Variants in ALS2 observed in about 807,000 individuals in gnomAD.
ALS2 encodes alsin.
In ALS2, 117 loss-of-function variants were observed where a neutral mutation model predicts 203.4. The observed-to-expected ratio is 0.58, with a 90% CI of 0.50 to 0.67. The LOEUF is 0.67. ALS2 is among the 30% of genes least tolerant of loss of function. The pLI is 0.00. For synonymous variants in ALS2, 718 were observed against 725.9 expected, an observed-to-expected ratio of 0.99 and a Z score of 0.17; for missense variants, 1,715 against 1,989.4, an observed-to-expected ratio of 0.86 and a Z score of 2.62.
chr2:201,754,764 C>T (rs918831609), intron 5 of ALS2, 93 bp from the exon 6 acceptor site: 63 of 1,355,480 alleles, frequency 4.6e-5, no homozygotes, highest in East Asian at 1.9e-4. Flanking sequence ...CAAAAACATA[C>T]GCCACCAATG....
intron 25 of ALS2, 149 bp downstream of exon 25, chr2:201,715,523 A>G: frequency 2.3e-6 from 2 of 877,966 alleles, no homozygotes; most frequent in Non-Finnish European, 3.5e-6. Context: ...TCAACAGAAG[A>G]TAAAGAAAGT....
rs1559072330 is a variant in ALS2 at position 201,749,738 on chromosome 2, G to C, written c.1789C>G (p.Pro597Ala). 6.2e-7 allele frequency: 1 copy of C among 1,614,084 alleles called. No individual in the cohort carries two copies. Among genetic ancestry groups the C allele is most frequent in the Non-Finnish European group, 8.5e-7 (1 of 1,179,994 alleles). Residue 597 changes from proline (P) to alanine (A), a missense_variant, in exon 8 of 34, where the codon CCA becomes GCA. Transcript: ENST00000264276. ...TFGQLGHSDF[P>A]TTVPRLAKIS... ...TTTGCAAGACGAGGAACTGTTGTTG[G>C]AAAATCGGAATGCCCAAGTTGACCA...
intron 13 of ALS2, among the ~76,000 whole-genome samples, chr2:201,729,578 C>T (rs1238152531): frequency 1.3e-5 from 2 of 151,956 alleles, no homozygotes; most frequent in African/African-American, 4.8e-5. Flanking sequence ...TTTATTAATT[C>T]ACTTACAAAA....
At chr2:201,750,543 G>A (rs1001199707) in intron 7 of ALS2, among the ~76,000 whole-genome samples, 1 of 151,710 alleles carries the variant, frequency 6.6e-6, no homozygotes, top group Non-Finnish European at 1.5e-5. Flanking sequence ...CATACATGAA[G>A]AGTTACTGTA....
At position 201,756,801 on chromosome 2, in the gene ALS2, T is replaced by G. The variant is rs140868363; in HGVS notation, c.1471+601A>C. ...TGGGGGACCTTGCTCTAATGCATGTTTTGATTCAGTAAGTCGAGAGTGGAA... is the reference window on the plus strand; with the variant it reads ...TGGGGGACCTTGCTCTAATGCATGTGTTGATTCAGTAAGTCGAGAGTGGAA... On this transcript the variant is annotated intron_variant, in intron 5 of 33. Coordinates refer to ENST00000264276, the MANE Select transcript of ALS2 (RefSeq NM_020919.4). Among the ~76,000 whole-genome samples, 147 of 152,354 alleles carry G rather than the reference T, an allele frequency of 9.6e-4. 1 individual carries two copies. The East Asian group carries it at 0.028, about 29-fold the overall frequency.
rs1164993764 is a variant in ALS2, at chr2:201,704,130, T to A, written c.4927A>T (p.Thr1643Ser). ...QHGEQGIMFT[T>S]LKACYYQIQR... ...ATAATAACTATACTCACCTTCAAGG[T>A]GGTGAACATTATACCCTGTTCCCCA... Residue 1643 changes from threonine (T) to serine (S), a missense_variant, in exon 33 of 34, where the codon ACC becomes TCC. Thr to Ser is a moderately conservative substitution (Grantham distance 58). This residue lies in a region of ALS2 where 1,227 missense variants were observed against 1,413.5 expected (regional missense o/e 0.87). Transcript: ENST00000264276. 3 of 1,609,586 alleles carry A rather than the reference T, an allele frequency of 1.9e-6. No individual in the cohort carries two copies.
chr2:201,747,624 T>C (rs1692752823), intron 8 of ALS2, among the ~76,000 whole-genome samples: 1 of 152,068 alleles, frequency 6.6e-6, no homozygotes, highest in Non-Finnish European at 1.5e-5. Context: ...CTAATTTTTG[T>C]ATTTTTAGTA....
intron 4 of ALS2, chr2:201,759,489 A>G: frequency 1.0e-6 from 1 of 962,060 alleles, no homozygotes; most frequent in Non-Finnish European, 1.2e-6. Flanking sequence ...CAATAGAAAC[A>G]CACACATTGT....
chr2:201,705,542 T>C (rs1019509401), intron 29 of ALS2, 81 bp from the exon 30 acceptor site: 3 of 1,050,308 alleles, frequency 2.9e-6, no homozygotes, highest in Non-Finnish European at 4.4e-6. Context: ...GACAGCTATA[T>C]TGGCTTCCTT....
chr2:201,714,434 T>A (rs574451662), intron 25 of ALS2, among the ~76,000 whole-genome samples: 1 of 152,302 alleles, frequency 6.6e-6, no homozygotes, highest in Non-Finnish European at 1.5e-5. Context: ...CTGTGTTGTG[T>A]GTGACTCATC....
At chr2:201,711,679 C>T (rs1690033367) in intron 25 of ALS2, among the ~76,000 whole-genome samples, 1 of 152,128 alleles carries the variant, frequency 6.6e-6, no homozygotes, top group Non-Finnish European at 1.5e-5. Context: ...TAAGAGAAAA[C>T]ACACGCTAGT....
At chr2:201,763,871 A>T (rs554816081) in intron 3 of ALS2, among the ~76,000 whole-genome samples, 1 of 152,370 alleles carries the variant, frequency 6.6e-6, no homozygotes, top group African/African-American at 2.4e-5. Context: ...GTTTTAAAAA[A>T]TACTGAGCCA....
chr2:201,759,562 TAC>T (rs1693631612), intron 4 of ALS2: 1 of 983,108 alleles, frequency 1.0e-6, no homozygotes, highest in African/African-American at 1.7e-5. Flanking sequence ...GATAAGCATG[TAC>T]AGTCTAAGAA....
At position 201,761,136 on chromosome 2, in the gene ALS2, C is replaced by T; in HGVS notation, c.858G>A (p.Gln286=). The part of the protein sequence containing the change: ...LSPSTETLDR[Q]EEVFENTLVA... The stretch of plus-strand genomic sequence containing the variant: ...CAAGAGTGTTCTCAAATACTTCTTC[C>T]TGCCTGTCAAGGGTTTCAGTGGAGG... The change falls in exon 4 of 34, where the codon CAG becomes CAA. Residue 286 remains glutamine (Q), a synonymous_variant. Transcript: ENST00000264276. The T allele has an allele frequency of 6.2e-7, 1 of 1,614,184 alleles. No homozygotes were observed. Among genetic ancestry groups the T allele is most frequent in the Non-Finnish European group, 8.5e-7 (1 of 1,180,014 alleles).
intron 1 of ALS2, among the ~76,000 whole-genome samples, chr2:201,776,594 G>T (rs1694672716): frequency 2.0e-5 from 3 of 151,984 alleles, no homozygotes; most frequent in African/African-American, 7.3e-5. Context: ...GAATGTCCTG[G>T]TAAGTCCTGA....
chr2:201,760,986 T>C lies in ALS2; in HGVS notation c.1008A>G (p.Ile336Met), dbSNP rs758265576. 13 of 1,614,192 alleles carry C rather than the reference T, an allele frequency of 8.1e-6. No individual in the cohort carries two copies. The highest frequency in any genetic ancestry group is 1.6e-4 in the Middle Eastern group (1 of 6,062). The change falls in exon 4 of 34, where the codon ATA becomes ATG. Residue 336 changes from isoleucine (I) to methionine (M), a missense_variant. This residue lies in a region of ALS2 where 476 missense variants were observed against 539.3 expected (regional missense o/e 0.88). Coordinates refer to ENST00000264276, the MANE Select transcript of ALS2 (RefSeq NM_020919.4). ...CTGCTTGGGTGTCAGGGTATGATGG[T>C]ATGTTTCTGGCAGAGGAAATTTCAG... ...GTTEISSARN[I>M]PSYPDTQAVN...
intron 12 of ALS2, among the ~76,000 whole-genome samples, chr2:201,737,694 G>A (rs919706137): frequency 1.3e-5 from 2 of 152,130 alleles, no homozygotes; most frequent in Non-Finnish European, 2.9e-5. Context: ...GGCCGAGGTG[G>A]GTGAATCACT....
chr2:201,757,832 G>T, intron 4 of ALS2, 73 bp from the exon 5 acceptor site: 1 of 1,195,254 alleles, frequency 8.4e-7, no homozygotes, highest in Non-Finnish European at 1.2e-6. Flanking sequence ...TAAAAAGAAA[G>T]GCTAATATCC....
At chr2:201,719,688 CA>C (rs1340612687) in intron 23 of ALS2, among the ~76,000 whole-genome samples, 1 of 152,166 alleles carries the variant, frequency 6.6e-6, no homozygotes, top group Non-Finnish European at 1.5e-5. Context: ...AGGCCTCAGC[CA>C]AGAAGGCCTT....
Sources: gnomAD v4.1 joint callset for allele counts (sites outside exome capture counted in the v4.1 genomes callset) on GRCh38, gnomAD v4.1.1 for gene constraint, gnomAD v4.1.1 regional missense constraint, MANE v1.5 for transcripts, NCBI Gene and HGNC (gene_info 2026-07-23, HGNC 2026-07-21) for gene names.